Variants in CELF4 observed in about 807,000 individuals in gnomAD.
The protein encoded by CELF4 is CUG-BP- and ETR-3-like factor 4.
CELF4 carries 18 observed loss-of-function variants against 59.9 expected under a neutral mutation model. The observed-to-expected ratio is 0.30, with a 90% CI of 0.21 to 0.45. The LOEUF (loss-of-function observed/expected upper bound fraction) is 0.45, where lower values mean the gene tolerates loss of function less well. Ranked by LOEUF, CELF4 falls within the 20% of genes least tolerant of loss-of-function variation. CELF4 has a pLI of 1.00. For synonymous variants in CELF4, 261 were observed against 267.1 expected (o/e 0.98, Z 0.22); for missense variants, 456 against 689.0 (o/e 0.66, Z 3.79).
chr18:37,470,890 CAGAGAGAGAG>C (rs142446683), intron 2 of CELF4, among the ~76,000 whole-genome samples: 77 of 95,004 alleles, frequency 8.1e-4, no homozygotes, highest in African/African-American at 2.9e-3. Context: ...GTGTGTGTGA[CAGAGAGAGAG>C]AGAGAGAGAG....
chr18:37,430,698 T>G (rs1008767931), intron 2 of CELF4, among the ~76,000 whole-genome samples: 1 of 152,224 alleles, frequency 6.6e-6, no homozygotes, highest in Non-Finnish European at 1.5e-5. Context: ...AGGGCACCCC[T>G]AAGTTGCTGT....
rs371923481 is a variant in CELF4 at position 37,326,348 on chromosome 18, C to T, written c.370-4467G>A. Among the ~76,000 whole-genome samples, 72 of 152,320 alleles carry T rather than the reference C, an allele frequency of 4.7e-4. 2 individuals carry two copies. Among genetic ancestry groups the T allele is most frequent in the African/African-American group, 1.7e-3 (69 of 41,560 alleles). Reference sequence around the variant, plus strand: ...TGCCCCCTGGGACCCTGGCCATGGCCTCAGGACCCCTTTGGTGCTTTTCCT... The same window carrying T: ...TGCCCCCTGGGACCCTGGCCATGGCTTCAGGACCCCTTTGGTGCTTTTCCT... On this transcript the variant is annotated intron_variant, in intron 2 of 12. Transcript: ENST00000420428.
intron 2 of CELF4, among the ~76,000 whole-genome samples, chr18:37,477,941 A>G (rs2099854883): frequency 6.6e-6 from 1 of 152,188 alleles, no homozygotes; most frequent in African/African-American, 2.4e-5. Context: ...AGACCTGAGC[A>G]GAGGGCAGGG....
At chr18:37,546,418 G>A (rs1276803227) in intron 1 of CELF4, among the ~76,000 whole-genome samples, 2 of 151,768 alleles carry the variant, frequency 1.3e-5, no homozygotes, top group Non-Finnish European at 2.9e-5. Flanking sequence ...AGTTCTCACT[G>A]CAGCTGCAGA....
intron 2 of CELF4, among the ~76,000 whole-genome samples, chr18:37,441,954 C>A (rs8097292): frequency 0.25 from 33,354 of 132,462 alleles, 4,508 homozygotes; most frequent in South Asian, 0.44. Context: ...TAGATGACAC[C>A]GTGCGTCACC....
At chr18:37,405,071 T>C (rs918633420) in intron 2 of CELF4, among the ~76,000 whole-genome samples, 4 of 152,218 alleles carry the variant, frequency 2.6e-5, no homozygotes, top group African/African-American at 9.7e-5. Context: ...TGGCTGGGCT[T>C]GGGCCTGAAA....
chr18:37,435,166 C>T (rs1422012535), intron 2 of CELF4, among the ~76,000 whole-genome samples: 2 of 152,190 alleles, frequency 1.3e-5, no homozygotes, highest in Non-Finnish European at 2.9e-5. Context: ...CTACTCTGAC[C>T]TGACTGTGAA....
rs536245102 is a variant in CELF4, at chr18:37,367,699, T to C, written c.370-45818A>G. ...CTGTGTTTTTTTCTTTTCTTTCTTT[T>C]TTTTTTTTCTTAAAAGAGAGAAAGA... On this transcript the variant is annotated intron_variant, in intron 2 of 12. Coordinates refer to ENST00000420428, the MANE Select transcript of CELF4 (RefSeq NM_020180.4). 1.1e-4 allele frequency among the ~76,000 whole-genome samples: 16 copies of C among 151,720 alleles called. No homozygotes were observed. In the South Asian group the frequency reaches 1.2e-3, roughly 12 times the overall value.
intron 2 of CELF4, among the ~76,000 whole-genome samples, chr18:37,408,148 G>A (rs1486732997): frequency 2.6e-5 from 4 of 152,040 alleles, no homozygotes; most frequent in African/African-American, 4.8e-5. Flanking sequence ...CCACCTCACC[G>A]CCCTCCTCTC....
intron 1 of CELF4, among the ~76,000 whole-genome samples, chr18:37,543,981 A>G (rs1165063988): frequency 6.6e-6 from 1 of 152,060 alleles, no homozygotes. Flanking sequence ...CGGTCTGTCC[A>G]GAGAAGCAGG....
rs1048029951 is a variant in CELF4, at chr18:37,433,299, A to G, written c.369+52226T>C. Reference sequence around the variant, plus strand: ...CTGCCTAGGGAAGGAGCTGTTTCAGACCTCTCCATGGTTAAAGGTGGCCTG... The same window carrying G: ...CTGCCTAGGGAAGGAGCTGTTTCAGGCCTCTCCATGGTTAAAGGTGGCCTG... On this transcript the variant is annotated intron_variant, in intron 2 of 12. Coordinates refer to ENST00000420428, the MANE Select transcript of CELF4 (RefSeq NM_020180.4). Among the ~76,000 whole-genome samples, 5 of 151,786 alleles carry G rather than the reference A, an allele frequency of 3.3e-5. No homozygotes were observed. In the East Asian group the frequency reaches 5.8e-4, roughly 18 times the overall value.
Position 37,391,888 on chromosome 18 carries a change from G to A in CELF4, c.370-70007C>T, listed in dbSNP as rs2099166019. 2.0e-5 allele frequency among the ~76,000 whole-genome samples: 3 copies of A among 152,188 alleles called. No individual in the cohort carries two copies. The South Asian group carries it at 6.2e-4, about 32-fold the overall frequency. The stretch of plus-strand genomic sequence containing the variant: ...TCTGCGCAGACAGGAGCAGGCAGTC[G>A]GCACCAGGCGTTTTCAGCTGCGGAG... On this transcript the variant is annotated intron_variant, in intron 2 of 12. Transcript: ENST00000420428.
intron 2 of CELF4, among the ~76,000 whole-genome samples, chr18:37,441,099 C>T (rs950602664): frequency 3.3e-5 from 5 of 152,218 alleles, no homozygotes; most frequent in African/African-American, 1.2e-4. Flanking sequence ...TCTCTCCCCG[C>T]TGGACCAGTG....
intron 2 of CELF4, among the ~76,000 whole-genome samples, chr18:37,423,721 G>A (rs188995835): frequency 8.7e-4 from 133 of 152,236 alleles, no homozygotes; most frequent in African/African-American, 3.0e-3. Context: ...AGCCCTCTAG[G>A]AAAGGGGAGG....
At chr18:37,408,603 C>G (rs943804705) in intron 2 of CELF4, among the ~76,000 whole-genome samples, 1 of 151,914 alleles carries the variant, frequency 6.6e-6, no homozygotes, top group African/African-American at 2.4e-5. Flanking sequence ...CTTCCCGTTT[C>G]CTAGAATTGG....
chr18:37,391,338 C>T (rs571329678), intron 2 of CELF4, among the ~76,000 whole-genome samples: 14 of 152,318 alleles, frequency 9.2e-5, no homozygotes, highest in Admixed American at 2.6e-4. Context: ...CACCCTTGCC[C>T]GTGCCTGCAG....
At chr18:37,465,586 T>C (rs1176680342) in intron 2 of CELF4, among the ~76,000 whole-genome samples, 1 of 151,868 alleles carries the variant, frequency 6.6e-6, no homozygotes, top group African/African-American at 2.4e-5. Context: ...ACAGTGGGGG[T>C]TGACTGTGGG....
intron 2 of CELF4, among the ~76,000 whole-genome samples, chr18:37,359,596 C>T (rs187819543): frequency 2.6e-4 from 40 of 152,284 alleles, no homozygotes; most frequent in East Asian, 2.5e-3. Context: ...CATGCCTTGG[C>T]CTCCCAGAGT....
Position 37,321,884 on chromosome 18 carries a change from G to GC in CELF4, c.370-4dup. On this transcript the variant is annotated splice_polypyrimidine_tract_variant and splice_region_variant and intron_variant, in intron 2 of 12. Coordinates refer to ENST00000420428, the MANE Select transcript of CELF4 (RefSeq NM_020180.4). ...TTCACCTGGATCGGCCGGTTCATCT[G>GC]CAACAGAGCAGAGGGGGACAGCATT... 6.2e-7 allele frequency: 1 copy of GC among 1,612,384 alleles called. No individual in the cohort carries two copies. Among genetic ancestry groups the GC allele is most frequent in the Non-Finnish European group, 8.5e-7 (1 of 1,178,982 alleles).
Sources: gnomAD v4.1 joint callset for allele counts (sites outside exome capture counted in the v4.1 genomes callset) on GRCh38, gnomAD v4.1.1 for gene constraint, MANE v1.5 for transcripts, NCBI Gene and HGNC (gene_info 2026-07-23, HGNC 2026-07-21) for gene names.